Variants in KIAA1549L observed in about 807,000 individuals in gnomAD.
KIAA1549L encodes UPF0606 protein KIAA1549L.
Under a neutral mutation model 160.7 loss-of-function variants are expected in KIAA1549L, and 88 were observed. The observed-to-expected ratio is 0.55, with a 90% CI of 0.46 to 0.65. The LOEUF is 0.65. Ranked by LOEUF, KIAA1549L falls within the 30% of genes least tolerant of loss-of-function variation. KIAA1549L has a pLI of 0.00. For missense variants in KIAA1549L, 2,258 were observed against 2,437.5 expected, an observed-to-expected ratio of 0.93 and a Z score of 1.55; for synonymous variants, 950 against 976.7, an observed-to-expected ratio of 0.97 and a Z score of 0.51.
chr11:33,656,979 C>T (rs1002243235), intron 18 of KIAA1549L, among the ~76,000 whole-genome samples: 1 of 152,108 alleles, frequency 6.6e-6, no homozygotes, highest in South Asian at 2.1e-4. Context: ...CTATCTGTAA[C>T]ATGAGCACAG....
intron 1 of KIAA1549L, among the ~76,000 whole-genome samples, chr11:33,435,806 ATATATG>A (rs1349408854): frequency 1.2e-3 from 23 of 19,658 alleles, no homozygotes; most frequent in African/African-American, 8.7e-3. Flanking sequence ...ATATATATAT[ATATATG>A]TGTGTGTATA....
intron 1 of KIAA1549L, among the ~76,000 whole-genome samples, chr11:33,477,494 C>A (rs1852311229): frequency 6.7e-6 from 1 of 150,026 alleles, no homozygotes; most frequent in African/African-American, 2.5e-5. Flanking sequence ...GGTGGAGTGC[C>A]ACGCAGGTGC....
At chr11:33,555,969 C>T (rs1436063510) in intron 6 of KIAA1549L, among the ~76,000 whole-genome samples, 1 of 151,876 alleles carries the variant, frequency 6.6e-6, no homozygotes, top group African/African-American at 2.4e-5. Context: ...ATAATAAAAA[C>T]AAACAAAAAA....
intron 13 of KIAA1549L, among the ~76,000 whole-genome samples, chr11:33,604,115 C>T (rs2133316327): frequency 6.6e-6 from 1 of 152,270 alleles, no homozygotes; most frequent in Middle Eastern, 3.4e-3. Flanking sequence ...TTATCTATTG[C>T]CATGTAACAA....
intron 1 of KIAA1549L, among the ~76,000 whole-genome samples, chr11:33,534,346 G>T (rs1853844562): frequency 6.6e-6 from 1 of 151,528 alleles, no homozygotes; most frequent in Admixed American, 6.6e-5. Context: ...CTCCCCCTTG[G>T]CCTCTCAAAG....
At chr11:33,515,763 C>T (rs1853329526) in intron 1 of KIAA1549L, among the ~76,000 whole-genome samples, 1 of 152,156 alleles carries the variant, frequency 6.6e-6, no homozygotes, top group African/African-American at 2.4e-5. Flanking sequence ...TTTGCTTCTC[C>T]TTGCTTCATT....
rs559708434 is a variant in KIAA1549L at position 33,432,112 on chromosome 11, C to T, written c.238+55223C>T. 2.9e-3 allele frequency among the ~76,000 whole-genome samples: 441 copies of T among 152,320 alleles called. 1 individual carries two copies. The highest frequency in any genetic ancestry group is 4.0e-3 in the Admixed American group (61 of 15,298). On this transcript the variant is annotated intron_variant, in intron 1 of 20. Transcript: ENST00000658780. ...AAGCTCTGCACGCAGTCCCGGTTCC[C>T]GCTCGCACCTCTCCCTCCACACCTC... is the stretch of plus-strand genomic sequence containing the variant.
intron 1 of KIAA1549L, among the ~76,000 whole-genome samples, chr11:33,491,000 T>C (rs1299475129): frequency 6.6e-6 from 1 of 152,252 alleles, no homozygotes; most frequent in Non-Finnish European, 1.5e-5. Context: ...TTTAGCACTT[T>C]GTTCCTATCT....
At chr11:33,412,221 CT>C in intron 1 of KIAA1549L, among the ~76,000 whole-genome samples, 1 of 152,232 alleles carries the variant, frequency 6.6e-6, no homozygotes, top group South Asian at 2.1e-4. Flanking sequence ...TGCTCTATTT[CT>C]TACATGAATA....
intron 1 of KIAA1549L, among the ~76,000 whole-genome samples, chr11:33,518,357 A>G (rs1202147491): frequency 6.6e-6 from 1 of 152,158 alleles, no homozygotes; most frequent in East Asian, 1.9e-4. Context: ...AAATGGGAGC[A>G]TGTCGGGGAA....
At chr11:33,558,984 C>T (rs1178660874) in intron 6 of KIAA1549L, among the ~76,000 whole-genome samples, 3 of 151,930 alleles carry the variant, frequency 2.0e-5, no homozygotes, top group Admixed American at 2.0e-4. Context: ...CAGGCACATG[C>T]CACCATGCCC....
intron 1 of KIAA1549L, among the ~76,000 whole-genome samples, chr11:33,448,468 C>G (rs1382090008): frequency 6.6e-6 from 1 of 152,144 alleles, no homozygotes; most frequent in Non-Finnish European, 1.5e-5. Flanking sequence ...TTTTTGGCAT[C>G]TCTGTGGCCT....
chr11:33,386,614 C>A (rs1315644109), intron 1 of KIAA1549L, among the ~76,000 whole-genome samples: 1 of 152,152 alleles, frequency 6.6e-6, no homozygotes, highest in African/African-American at 2.4e-5. Flanking sequence ...ACCTGGGAGG[C>A]AGAGGTTGCA....
At chr11:33,495,241 G>A (rs1008963603) in intron 1 of KIAA1549L, among the ~76,000 whole-genome samples, 1 of 151,854 alleles carries the variant, frequency 6.6e-6, no homozygotes. Flanking sequence ...TCGTCATCTA[G>A]CATTAGATAT....
chr11:33,620,924 G>C (rs1590405706), intron 16 of KIAA1549L, among the ~76,000 whole-genome samples: 1 of 151,988 alleles, frequency 6.6e-6, no homozygotes, highest in African/African-American at 2.4e-5. Context: ...AAAATTACCA[G>C]AGCGCTTCTG....
At chr11:33,627,807 T>C (rs1851161489) in intron 16 of KIAA1549L, among the ~76,000 whole-genome samples, 4 of 152,046 alleles carry the variant, frequency 2.6e-5, no homozygotes, top group Non-Finnish European at 5.9e-5. Context: ...CTGATTTTAG[T>C]TATGTCTTGC....
At chr11:33,469,049 T>C (rs1229598992) in intron 1 of KIAA1549L, among the ~76,000 whole-genome samples, 1 of 152,180 alleles carries the variant, frequency 6.6e-6, no homozygotes, top group Non-Finnish European at 1.5e-5. Context: ...GACATATAAT[T>C]TGTATATCAT....
intron 11 of KIAA1549L, among the ~76,000 whole-genome samples, chr11:33,588,295 T>C (rs1400656505): frequency 6.6e-6 from 1 of 152,062 alleles, no homozygotes; most frequent in Non-Finnish European, 1.5e-5. Context: ...CTGAATAGGA[T>C]AATGGGGGCG....
intron 20 of KIAA1549L, among the ~76,000 whole-genome samples, chr11:33,663,229 A>G (rs979245578): frequency 6.6e-6 from 1 of 152,200 alleles, no homozygotes; most frequent in Non-Finnish European, 1.5e-5. Flanking sequence ...GGATAAAATC[A>G]CCTGGACCTG....
Sources: allele counts gnomAD v4.1 joint callset (sites outside exome capture counted in the v4.1 genomes callset), GRCh38; gene constraint gnomAD v4.1.1; transcripts MANE v1.5; gene names NCBI Gene and HGNC (gene_info 2026-07-23, HGNC 2026-07-21).